Variants in DNAH6 observed in about 807,000 individuals in gnomAD.
DNAH6 encodes axonemal beta dynein heavy chain 6.
In DNAH6, 340 loss-of-function variants were observed where a neutral mutation model predicts 491.4. The observed-to-expected ratio is 0.69, with a 90% CI of 0.63 to 0.76. DNAH6 has a LOEUF of 0.76. DNAH6 is among the 30% of genes least tolerant of loss of function. The pLI, the probability that DNAH6 is intolerant of heterozygous loss-of-function variation, is 0.00. For missense variants in DNAH6, 4,443 were observed against 4,972.2 expected, an observed-to-expected ratio of 0.89 and a Z score of 3.20; for synonymous variants, 1,603 against 1,686.1, an observed-to-expected ratio of 0.95 and a Z score of 1.21.
Position 84,616,937 on chromosome 2 carries a change from A to AGT in DNAH6, c.3529_3530dup (p.Leu1178AlafsTer2). 1 of 1,502,742 alleles carries AGT rather than the reference A, an allele frequency of 6.7e-7. No individual in the cohort carries two copies. Among genetic ancestry groups the AGT allele is most frequent in the Non-Finnish European group, 8.9e-7 (1 of 1,129,412 alleles). 93.1% of individuals were successfully genotyped at this position (1,502,742 alleles called of 1,614,324 possible). On this transcript the variant is annotated frameshift_variant, in exon 23 of 77. Transcript: ENST00000389394. LOFTEE classifies it high-confidence loss of function. ...AATGCATTACTTGACCAAATTCAGA[A>AGT]GTGCCTAGAGGCATACTTAGAATCA...
intron 4 of DNAH6, among the ~76,000 whole-genome samples, chr2:84,538,614 A>G (rs1392783848): frequency 6.6e-6 from 1 of 152,106 alleles, no homozygotes; most frequent in Non-Finnish European, 1.5e-5. Context: ...TCATTGATAG[A>G]TGGTTAACAG....
At chr2:84,505,033 A>T in the DNAH6 span, among the ~76,000 whole-genome samples, 1 of 152,164 alleles carries the variant, frequency 6.6e-6, no homozygotes, top group South Asian at 2.1e-4. Flanking sequence ...AATTTCTTTC[A>T]GCAATGTTTT....
Position 84,653,653 on chromosome 2 carries a change from G to A in DNAH6, c.5413G>A (p.Val1805Ile). The A allele has an allele frequency of 6.4e-7, 1 of 1,551,236 alleles. No homozygotes were observed. The highest frequency in any genetic ancestry group is 1.4e-5 in the African/African-American group (1 of 73,106). The change falls in exon 34 of 77, where the codon GTT (valine) becomes ATT (isoleucine). Residue 1805 changes from valine to isoleucine, a missense_variant. By Grantham distance (29) the Val-to-Ile change is conservative (BLOSUM62 3). Transcript: ENST00000389394. ...SITMGELYGE[V>I]NNLTLEWKDG... ...TACCATGGGTGAATTATATGGAGAG[G>A]TTAATAACTTAACCTTGGAATGGAA...
the DNAH6 span, among the ~76,000 whole-genome samples, chr2:84,477,635 C>T: frequency 6.6e-6 from 1 of 152,086 alleles, no homozygotes; most frequent in East Asian, 1.9e-4. Flanking sequence ...ACATTTTTGT[C>T]CTAAATCTAA....
chr2:84,713,347 G>A, intron 57 of DNAH6, 88 bp downstream of exon 57: 2 of 1,353,836 alleles, frequency 1.5e-6, no homozygotes, highest in East Asian at 2.5e-5. Flanking sequence ...CCACCCGGAG[G>A]GAAAGTGCTC....
At chr2:84,735,608 CATT>C (rs1308603849) in intron 62 of DNAH6, among the ~76,000 whole-genome samples, 1 of 152,074 alleles carries the variant, frequency 6.6e-6, no homozygotes, top group African/African-American at 2.4e-5. Context: ...GATGGTATCT[CATT>C]GTGGTTTTGA....
At chr2:84,640,082 A>C (rs1689247445) in intron 31 of DNAH6, among the ~76,000 whole-genome samples, 1 of 152,168 alleles carries the variant, frequency 6.6e-6, no homozygotes, top group Non-Finnish European at 1.5e-5. Context: ...AGAGAAGCTC[A>C]GTTCTTGCTT....
chr2:84,682,220 C>G (rs1468404766), intron 42 of DNAH6, among the ~76,000 whole-genome samples: 6 of 152,202 alleles, frequency 3.9e-5, no homozygotes, highest in Non-Finnish European at 7.3e-5. Flanking sequence ...ATCCACTGGT[C>G]AGCTCTCAGC....
In DNAH6 at chr2:84,544,438, C is replaced by A. The variant is rs552271150; in HGVS notation, c.868C>A (p.Arg290Ser). Residue 290 changes from arginine (R) to serine (S), a missense_variant, in exon 5 of 77, where the codon CGC becomes AGC. Arg to Ser is a moderately radical substitution (Grantham distance 110). Transcript: ENST00000389394. The part of the protein sequence containing the change: ...KAFSVWRKNV[R>S]SKKITGCQKS... ...TTTTAGTGTATGGAGGAAGAATGTC[C>A]GCTCCAAGAAAATCACTGGATGTCA... is the stretch of plus-strand genomic sequence containing the variant. 6.5e-7 allele frequency: 1 copy of A among 1,537,402 alleles called. No homozygotes were observed. Among genetic ancestry groups the A allele is most frequent in the Admixed American group, 2.0e-5 (1 of 50,938 alleles).
the DNAH6 span, among the ~76,000 whole-genome samples, chr2:84,491,922 G>A: frequency 4.6e-5 from 7 of 152,254 alleles, no homozygotes; most frequent in Admixed American, 6.5e-5. Context: ...CCACTTAGTC[G>A]TAGAACTTGG....
intron 30 of DNAH6, among the ~76,000 whole-genome samples, chr2:84,636,481 G>A (rs1688887729): frequency 6.6e-6 from 1 of 152,152 alleles, no homozygotes; most frequent in East Asian, 1.9e-4. Flanking sequence ...ATTGCAGACA[G>A]CAAGCCTGGG....
At position 84,552,965 on chromosome 2, in the gene DNAH6, C is replaced by A; in HGVS notation, c.1533C>A (p.Pro511=). 2 of 1,612,268 alleles carry A rather than the reference C, an allele frequency of 1.2e-6. No individual in the cohort carries two copies. Among genetic ancestry groups the A allele is most frequent in the Non-Finnish European group, 1.7e-6 (2 of 1,179,298 alleles). The change falls in exon 10 of 77, where the codon CCC becomes CCA. Residue 511 remains proline, a synonymous_variant. Transcript: ENST00000389394. The part of the protein sequence containing the change: ...EKQEEDESLI[P]MFLTELMLTV... The stretch of plus-strand genomic sequence containing the variant: ...AAGAAGAAGATGAATCTCTCATCCC[C>A]ATGTTTCTCACAGAACTAATGTTGA...
chr2:84,528,019 A>C (rs998588435), intron 3 of DNAH6, among the ~76,000 whole-genome samples: 3 of 152,148 alleles, frequency 2.0e-5, no homozygotes, highest in Non-Finnish European at 4.4e-5. Flanking sequence ...TTAGTGTCAA[A>C]TTTCTTCAAA....
At chr2:84,779,854 G>A (rs1676510760) in intron 64 of DNAH6, among the ~76,000 whole-genome samples, 1 of 152,082 alleles carries the variant, frequency 6.6e-6, no homozygotes, top group Non-Finnish European at 1.5e-5. Context: ...CTTAGCAATT[G>A]CTTATCTGGA....
chr2:84,746,493 T>C (rs1672990606), intron 63 of DNAH6, among the ~76,000 whole-genome samples: 3 of 152,226 alleles, frequency 2.0e-5, no homozygotes, highest in African/African-American at 7.2e-5. Context: ...CCAGTTTCTA[T>C]GCATTTAGAT....
intron 76 of DNAH6, among the ~76,000 whole-genome samples, chr2:84,817,628 CTTTG>C (rs1041898097): frequency 4.6e-5 from 7 of 151,998 alleles, no homozygotes; most frequent in Non-Finnish European, 7.4e-5. Context: ...ATCCAACTGT[CTTTG>C]TTTGTGTTTG....
intron 11 of DNAH6, among the ~76,000 whole-genome samples, chr2:84,572,923 A>G (rs1041961078): frequency 3.3e-5 from 5 of 152,246 alleles, no homozygotes; most frequent in Admixed American, 3.3e-4. Flanking sequence ...GTTTAAAAAA[A>G]CTTTGTGGGG....
intron 63 of DNAH6, among the ~76,000 whole-genome samples, chr2:84,756,413 T>G (rs1248637086): frequency 6.6e-6 from 1 of 152,246 alleles, no homozygotes; most frequent in Non-Finnish European, 1.5e-5. Flanking sequence ...ATTAGCCTTC[T>G]ACAAGGAAAA....
At chr2:84,467,497 T>G in the DNAH6 span, among the ~76,000 whole-genome samples, 1 of 152,208 alleles carries the variant, frequency 6.6e-6, no homozygotes, top group East Asian at 1.9e-4. Context: ...GACTCCAGCA[T>G]AGCTAGGAGG....
Sources: allele counts gnomAD v4.1 joint callset (sites outside exome capture counted in the v4.1 genomes callset), GRCh38; gene constraint gnomAD v4.1.1; transcripts MANE v1.5; gene names NCBI Gene and HGNC (gene_info 2026-07-23, HGNC 2026-07-21).